The following LLGL2 variants were observed in gnomAD, a reference collection of about 807,000 sequenced individuals.
LLGL2 encodes the protein LLGL2, scribble cell polarity complex component.
A neutral mutation model predicts 123.2 loss-of-function variants in LLGL2; 81 were observed. That is an observed-to-expected ratio of 0.66 (90% CI 0.55 to 0.79). The LOEUF (loss-of-function observed/expected upper bound fraction) is 0.79, where lower values mean the gene tolerates loss of function less well. LLGL2 is among the 30% of genes least tolerant of loss of function. LLGL2 has a pLI of 0.00. For missense variants in LLGL2, 1,273 were observed against 1,414.6 expected, an observed-to-expected ratio of 0.90 and a Z score of 1.61; for synonymous variants, 577 against 594.1, an observed-to-expected ratio of 0.97 and a Z score of 0.42.
intron 10 of LLGL2, among the ~76,000 whole-genome samples, chr17:75,565,121 G>A (rs751886332): frequency 5.3e-5 from 8 of 152,174 alleles, no homozygotes; most frequent in Admixed American, 2.6e-4. Flanking sequence ...CACCCACCCC[G>A]CTGAGGCAAG....
chr17:75,553,369 A>G (rs1357778869), intron 2 of LLGL2, among the ~76,000 whole-genome samples: 1 of 152,092 alleles, frequency 6.6e-6, no homozygotes, highest in Non-Finnish European at 1.5e-5. Flanking sequence ...CAAAATAGGC[A>G]CTTGTTGGAG....
In LLGL2 at chr17:75,559,551, TC is replaced by T; in HGVS notation, c.530+143del. On this transcript the variant is annotated intron_variant, in intron 6 of 25. Transcript: ENST00000392550. The surrounding 1 kb of genome is among the most constrained non-coding windows in gnomAD (Gnocchi z 4.6). Reference sequence around the variant, plus strand: ...GCTATAGCAGGGGAGGCTCTTGGCTTCCTACCTGTCACCTACTGAGAACCTA... The same window carrying T: ...GCTATAGCAGGGGAGGCTCTTGGCTTCTACCTGTCACCTACTGAGAACCTA... 9.4e-7 allele frequency: 1 copy of T among 1,060,588 alleles called. No homozygotes were observed. The highest frequency in any genetic ancestry group is 1.7e-5 in the South Asian group (1 of 59,748). 65.7% of individuals were successfully genotyped at this position (1,060,588 alleles called of 1,614,324 possible).
chr17:75,567,500 G>GT (rs1489421764), intron 10 of LLGL2, among the ~76,000 whole-genome samples: 1 of 150,990 alleles, frequency 6.6e-6, no homozygotes, highest in Non-Finnish European at 1.5e-5. Flanking sequence ...TTAGCCAGGC[G>GT]TGGTGGTGAG....
intron 1 of LLGL2, among the ~76,000 whole-genome samples, chr17:75,539,442 T>C (rs915137740): frequency 1.4e-5 from 2 of 146,914 alleles, no homozygotes; most frequent in Non-Finnish European, 3.0e-5. Flanking sequence ...GGTCTCACTA[T>C]GTTGCCCAGG....
In LLGL2 at chr17:75,574,946, C is replaced by G. The variant is rs200429656; in HGVS notation, c.*68C>G. Reference sequence around the variant, plus strand: ...TGATGGCCTTTCGGGGGTCCCTGCCCCAACCGGAGAGGCCGGTGCACAGGG... The same window carrying G: ...TGATGGCCTTTCGGGGGTCCCTGCCGCAACCGGAGAGGCCGGTGCACAGGG... On this transcript the variant is annotated 3_prime_UTR_variant, in exon 26 of 26. Transcript: ENST00000392550. The G allele has an allele frequency of 6.2e-7, 1 of 1,612,192 alleles. No homozygotes were observed. The highest frequency in any genetic ancestry group is 2.2e-5 in the East Asian group (1 of 44,858).
In LLGL2 at chr17:75,564,874, A is replaced by AG. The variant is rs921524094; in HGVS notation, c.1036+367_1036+368insG. On this transcript the variant is annotated intron_variant, in intron 10 of 25. Coordinates refer to ENST00000392550, the MANE Select transcript of LLGL2 (RefSeq NM_001031803.2). This position sits in a 1 kb window ranked among gnomAD's most constrained non-coding sequence, Gnocchi z 4.9. The stretch of plus-strand genomic sequence containing the variant: ...CCAGACTGTGTCTCAAAAAAAAAAA[A>AG]AAAAAGGGCTCTGCACAGATGTTCC... 6.6e-6 allele frequency among the ~76,000 whole-genome samples: 1 copy of AG among 150,728 alleles called. No homozygotes were observed. Among genetic ancestry groups the AG allele is most frequent in the African/African-American group, 2.4e-5 (1 of 40,988 alleles).
chr17:75,571,625 C>T (rs761786563), intron 17 of LLGL2, 42 bp from the exon 18 acceptor site: 1 of 1,483,776 alleles, frequency 6.7e-7, no homozygotes, highest in Non-Finnish European at 9.3e-7. Flanking sequence ...CCACCCGACT[C>T]CCACGCTAAG....
In LLGL2 at chr17:75,566,953, A is replaced by G. The variant is rs1041903025; in HGVS notation, c.1037-1523A>G. On this transcript the variant is annotated intron_variant, in intron 10 of 25. Transcript: ENST00000392550. ...ACGCAGAGATGTGTGAAGGCTGCTCAATGATTTTGAGGTTTAAAGAAAAAA... is the reference window on the plus strand; with the variant it reads ...ACGCAGAGATGTGTGAAGGCTGCTCGATGATTTTGAGGTTTAAAGAAAAAA... 2.3e-4 allele frequency among the ~76,000 whole-genome samples: 35 copies of G among 152,166 alleles called. 1 individual carries two copies. Among genetic ancestry groups the G allele is most frequent in the African/African-American group, 8.2e-4 (34 of 41,432 alleles).
At chr17:75,574,385 G>T in intron 23 of LLGL2, 68 bp from the exon 24 acceptor site, 1 of 1,540,984 alleles carries the variant, frequency 6.5e-7, no homozygotes, top group Non-Finnish European at 8.8e-7. Context: ...ACGGAGAAAG[G>T]GGGTGGAAGG....
Position 75,564,662 on chromosome 17 carries a change from A to G in LLGL2, c.1036+155A>G. On this transcript the variant is annotated intron_variant, in intron 10 of 25. Transcript: ENST00000392550. This position sits in a 1 kb window ranked among gnomAD's most constrained non-coding sequence, Gnocchi z 4.9. The stretch of plus-strand genomic sequence containing the variant: ...AGGATCGCTTGAACCCAGGAGTTCA[A>G]GTCCAGCCTGGACAACGTAGGGAGA... 1 of 1,305,558 alleles carries G rather than the reference A, an allele frequency of 7.7e-7. No individual in the cohort carries two copies. The highest frequency in any genetic ancestry group is 2.5e-5 in the East Asian group (1 of 39,266). 80.9% of individuals were successfully genotyped at this position (1,305,558 alleles called of 1,614,324 possible). A position where few individuals can be genotyped will look rare whatever the true frequency, so the allele number is the denominator to read the frequency against.
intron 2 of LLGL2, among the ~76,000 whole-genome samples, chr17:75,554,342 T>TTACA (rs1273699843): frequency 6.7e-6 from 1 of 150,354 alleles, no homozygotes; most frequent in East Asian, 1.9e-4. Flanking sequence ...CAGCTTGCAG[T>TTACA]GACTCACGCC....
chr17:75,533,583 C>T (rs149157329), intron 1 of LLGL2: 101 of 152,430 alleles, frequency 6.6e-4, no homozygotes, highest in Non-Finnish European at 1.2e-3. Flanking sequence ...GGATTGCAGG[C>T]ATGAGCCACC....
intron 10 of LLGL2, chr17:75,568,136 C>T: frequency 3.3e-6 from 4 of 1,216,686 alleles, no homozygotes; most frequent in Non-Finnish European, 4.1e-6. Context: ...TGCATCTGAG[C>T]AGGGAGAGCA....
Position 75,564,276 on chromosome 17 carries a change from G to A in LLGL2, c.882-77G>A. 2 of 1,540,966 alleles carry A rather than the reference G, an allele frequency of 1.3e-6. No individual in the cohort carries two copies. Among genetic ancestry groups the A allele is most frequent in the South Asian group, 1.2e-5 (1 of 81,094 alleles). Reference sequence around the variant, plus strand: ...CTCCTGGGGACCTTGACTGAGTGGTGACTTTGATTGCCGGCCTGTGGCTGT... The same window carrying A: ...CTCCTGGGGACCTTGACTGAGTGGTAACTTTGATTGCCGGCCTGTGGCTGT... On this transcript the variant is annotated intron_variant, in intron 9 of 25. Transcript: ENST00000392550. This position sits in a 1 kb window ranked among gnomAD's most constrained non-coding sequence, Gnocchi z 4.9.
chr17:75,574,409 G>T, intron 23 of LLGL2, 44 bp from the exon 24 acceptor site: 1 of 1,546,564 alleles, frequency 6.5e-7, no homozygotes, highest in Non-Finnish European at 8.7e-7. Context: ...GTGGCTAGCC[G>T]CCCCAAGGGC....
chr17:75,552,653 G>C (rs1053915008), intron 2 of LLGL2, among the ~76,000 whole-genome samples: 2 of 152,130 alleles, frequency 1.3e-5, no homozygotes, highest in African/African-American at 2.4e-5. Context: ...ATCTTTTTTG[G>C]AAGTACTAGA....
At chr17:75,574,523 T>C (rs2055884955) in intron 24 of LLGL2, 28 bp downstream of exon 24, 2 of 1,572,120 alleles carry the variant, frequency 1.3e-6, no homozygotes, top group East Asian at 4.7e-5. Context: ...CCAGCTGGGG[T>C]GGGCCCGAGG....
chr17:75,564,175 C>T lies in LLGL2; in HGVS notation c.882-178C>T, dbSNP rs2055347772. On this transcript the variant is annotated intron_variant, in intron 9 of 25. Transcript: ENST00000392550. The surrounding 1 kb of genome is among the most constrained non-coding windows in gnomAD (Gnocchi z 4.9). ...GGCTGCTGAGACTCAGAGCCCCCAG[C>T]CTGGATGCCCTCACCTTACCTCCAA... Among the ~76,000 whole-genome samples the T allele has an allele frequency of 6.6e-6, 1 of 152,234 alleles. No individual in the cohort carries two copies. Among genetic ancestry groups the T allele is most frequent in the Admixed American group, 6.5e-5 (1 of 15,290 alleles).
At chr17:75,526,322 C>T (rs558302190) in intron 1 of LLGL2, among the ~76,000 whole-genome samples, 1 of 152,288 alleles carries the variant, frequency 6.6e-6, no homozygotes, top group African/African-American at 2.4e-5. Context: ...AATCCCCGGA[C>T]GCAGGAAGCC....
Sources: gnomAD v4.1 joint callset for allele counts (sites outside exome capture counted in the v4.1 genomes callset) on GRCh38, gnomAD v4.1.1 for gene constraint, Gnocchi (gnomAD v3.1) non-coding constraint, MANE v1.5 for transcripts, NCBI Gene and HGNC (gene_info 2026-07-23, HGNC 2026-07-21) for gene names.